The following PTCH1 variants were observed in gnomAD, a reference collection of about 807,000 sequenced individuals.
PTCH1 encodes patched 1.
A neutral mutation model predicts 144.6 loss-of-function variants in PTCH1; 14 were observed. The ratio of observed to expected loss-of-function variants is 0.10; its 90% CI spans 0.06 to 0.15. The LOEUF (loss-of-function observed/expected upper bound fraction) is 0.15. Among genes scored for constraint, PTCH1 ranks in the 10% least tolerant of loss-of-function variants. PTCH1 has a pLI of 1.00. For synonymous variants in PTCH1, 833 were observed against 793.6 expected (o/e 1.05, Z -0.83); for missense variants, 1,623 against 1,948.3 (o/e 0.83, Z 3.14).
At chr9:95,486,822 G>C (rs1842005837) in intron 2 of PTCH1, among the ~76,000 whole-genome samples, 1 of 152,228 alleles carries the variant, frequency 6.6e-6, no homozygotes, top group African/African-American at 2.4e-5. Flanking sequence ...CTGCACCTGG[G>C]CTGGGAGGTG....
chr9:95,451,732 C>T (rs770105702), intron 20 of PTCH1: 17 of 152,188 alleles, frequency 1.1e-4, no homozygotes, highest in South Asian at 2.1e-4. Context: ...TTGTGTTAAA[C>T]GAGAAAGTAA....
intron 8 of PTCH1, among the ~76,000 whole-genome samples, 196 bp downstream of exon 8, chr9:95,478,804 A>G (rs1841298521): frequency 6.6e-6 from 1 of 152,178 alleles, no homozygotes; most frequent in African/African-American, 2.4e-5. Context: ...AGGGCACCCC[A>G]ATTAGAACTA....
chr9:95,475,972 T>C (rs1840994196), intron 12 of PTCH1, 62 bp downstream of exon 12: 17 of 1,610,002 alleles, frequency 1.1e-5, no homozygotes, highest in Non-Finnish European at 1.3e-5. Context: ...ACCGCAGACA[T>C]GGGATGCTGG....
rs1452372504 is a variant in PTCH1 at position 95,468,916 on chromosome 9, G to A, written c.2085C>T (p.Asp695=). ...TCTCTGGGCTCTGGCAGCTGAGGGT[G>A]TCCTGTGTCACGGTGACGGGCTGCA... ...ISVQPVTVTQ[D]TLSCQSPEST... The change falls in exon 14 of 24, where the codon GAC becomes GAT. Residue 695 remains aspartate, a synonymous_variant. Coordinates refer to ENST00000331920, the MANE Select transcript of PTCH1 (RefSeq NM_000264.5). 7 of 1,614,054 alleles carry A rather than the reference G, an allele frequency of 4.3e-6. No homozygotes were observed. The highest frequency in any genetic ancestry group is 1.3e-5 in the African/African-American group (1 of 74,928).
At chr9:95,468,679 G>A (rs2118012696) in intron 14 of PTCH1, 72 bp downstream of exon 14, 1 of 1,567,982 alleles carries the variant, frequency 6.4e-7, no homozygotes, top group African/African-American at 1.4e-5. Context: ...AAAAGTAGAA[G>A]CAATCTGATG....
intron 2 of PTCH1, among the ~76,000 whole-genome samples, chr9:95,491,443 T>A (rs553854505): frequency 1.3e-5 from 2 of 152,084 alleles, no homozygotes; most frequent in Non-Finnish European, 2.9e-5. Context: ...TAGCTGACAA[T>A]GTGTGTGAAA....
chr9:95,509,465 C>T (rs1448861934), upstream of PTCH1, among the ~76,000 whole-genome samples: 2 of 152,198 alleles, frequency 1.3e-5, no homozygotes, highest in Non-Finnish European at 2.9e-5. Context: ...TGTGCATCCT[C>T]GGCTTCGGGG....
chr9:95,479,128 T>C lies in PTCH1; in HGVS notation c.1087A>G (p.Met363Val), dbSNP rs1342698215. 3 of 1,614,114 alleles carry C rather than the reference T, an allele frequency of 1.9e-6. No individual in the cohort carries two copies. The highest frequency in any genetic ancestry group is 2.2e-5 in the South Asian group (2 of 91,086). Reference sequence around the variant, plus strand: ...TGCTTGGGAGTCATTAACTGGAACATGGTCTGCAGGGCATGGGCGCTGCAG... The same window carrying C: ...TGCTTGGGAGTCATTAACTGGAACACGGTCTGCAGGGCATGGGCGCTGCAG... Reference protein sequence around the residue: ...KLVSAHALQTMFQLMTPKQMY... With the variant: ...KLVSAHALQTVFQLMTPKQMY... The change falls in exon 8 of 24, where the codon ATG (methionine) becomes GTG (valine). Residue 363 changes from methionine to valine, a missense_variant. Met to Val is a conservative substitution (Grantham distance 21). This residue lies in a region of PTCH1 where 230 missense variants were observed against 271.0 expected (regional missense o/e 0.85). Transcript: ENST00000331920.
At chr9:95,497,253 A>G (rs1842857343) in intron 2 of PTCH1, among the ~76,000 whole-genome samples, 1 of 152,176 alleles carries the variant, frequency 6.6e-6, no homozygotes, top group African/African-American at 2.4e-5. Context: ...AAGGATAGGT[A>G]ATATTTGGGT....
At chr9:95,496,731 T>C (rs1194189891) in intron 2 of PTCH1, among the ~76,000 whole-genome samples, 2 of 152,194 alleles carry the variant, frequency 1.3e-5, no homozygotes, top group Non-Finnish European at 2.9e-5. Context: ...TATTTATCAT[T>C]TTTTACTTAT....
At chr9:95,469,200 A>G (rs1840334107) in intron 13 of PTCH1, 47 bp from the exon 14 acceptor site, 1 of 1,610,958 alleles carries the variant, frequency 6.2e-7, no homozygotes, top group Non-Finnish European at 8.5e-7. Context: ...AAACAGGGAA[A>G]TGGTGCTTTC....
At chr9:95,475,023 A>C (rs1840904504) in intron 12 of PTCH1, among the ~76,000 whole-genome samples, 1 of 152,232 alleles carries the variant, frequency 6.6e-6, no homozygotes, top group Non-Finnish European at 1.5e-5. Context: ...ATTAATTCAC[A>C]AAACCCCCAC....
In PTCH1 at chr9:95,508,572, G is replaced by GCGGCCT. The variant is rs1454813422; in HGVS notation, c.-212_-211insAGGCCG. 1 of 1,001,966 alleles carries GCGGCCT rather than the reference G, an allele frequency of 1.0e-6. No individual in the cohort carries two copies. The highest frequency in any genetic ancestry group is 1.7e-5 in the African/African-American group (1 of 57,426). 62.1% of individuals were successfully genotyped at this position (1,001,966 alleles called of 1,614,324 possible). A position where few individuals can be genotyped will look rare whatever the true frequency, so the allele number is the denominator to read the frequency against. The stretch of plus-strand genomic sequence containing the variant: ...CGCTGCTGCCGCTGCGGCCGCGGCC[G>GCGGCCT]CTGCCGGGGAGTCAGACCCTGCGCC... On this transcript the variant is annotated 5_prime_UTR_variant, in exon 1 of 24. Transcript: ENST00000331920.
At chr9:95,485,410 T>G (rs1018549953) in intron 3 of PTCH1, among the ~76,000 whole-genome samples, 1 of 152,162 alleles carries the variant, frequency 6.6e-6, no homozygotes, top group Non-Finnish European at 1.5e-5. Flanking sequence ...CCTGGGTGTA[T>G]AGTCCCCAAG....
intron 2 of PTCH1, among the ~76,000 whole-genome samples, chr9:95,501,316 A>G (rs991442425): frequency 1.3e-5 from 2 of 152,072 alleles, no homozygotes; most frequent in Admixed American, 1.3e-4. Flanking sequence ...TATAGTGCAC[A>G]GAACAGCCCC....
At chr9:95,469,214 C>T (rs2118068839) in intron 13 of PTCH1, 61 bp from the exon 14 acceptor site, 1 of 1,603,302 alleles carries the variant, frequency 6.2e-7, no homozygotes, top group South Asian at 1.1e-5. Context: ...TGCTTTCATT[C>T]TGCCATTTTT....
At chr9:95,516,253 C>G (rs1017795802) in intron 1 of PTCH1, among the ~76,000 whole-genome samples, 20 of 147,564 alleles carry the variant, frequency 1.4e-4, no homozygotes, top group Admixed American at 1.1e-3. Context: ...TGCGAGCGAG[C>G]GTGGAGGCGC....
chr9:95,448,294 G>C (rs573178428), intron 22 of PTCH1, among the ~76,000 whole-genome samples: 1 of 152,310 alleles, frequency 6.6e-6, no homozygotes, highest in Non-Finnish European at 1.5e-5. Flanking sequence ...TTTCACGGAA[G>C]GGCTGCTCTG....
chr9:95,455,959 C>T (rs1166241304), intron 19 of PTCH1, among the ~76,000 whole-genome samples: 3 of 152,196 alleles, frequency 2.0e-5, no homozygotes, highest in Non-Finnish European at 4.4e-5. Flanking sequence ...AACGTCACAA[C>T]GTCAGGAATC....
Sources: allele counts gnomAD v4.1 joint callset (sites outside exome capture counted in the v4.1 genomes callset), GRCh38; gene constraint gnomAD v4.1.1; regional missense constraint gnomAD v4.1.1; transcripts MANE v1.5; gene names NCBI Gene and HGNC (gene_info 2026-07-23, HGNC 2026-07-21).